The following ARHGAP28 variants were observed in gnomAD, a reference collection of about 807,000 sequenced individuals.
ARHGAP28 encodes Rho GTPase activating protein 28, also known as rho GTPase-activating protein 28.
Under a neutral mutation model 90.7 loss-of-function variants are expected in ARHGAP28, and 56 were observed. The ratio of observed to expected loss-of-function variants is 0.62; its 90% CI spans 0.50 to 0.77. The LOEUF (loss-of-function observed/expected upper bound fraction) is 0.77. ARHGAP28 is among the 30% of genes least tolerant of loss of function. The pLI is 0.00. For synonymous variants in ARHGAP28, 308 were observed against 323.3 expected (o/e 0.95, Z 0.51); for missense variants, 869 against 900.9 (o/e 0.96, Z 0.45).
In ARHGAP28 at chr18:6,729,776, C is replaced by A; in HGVS notation, c.-46C>A. The A allele has an allele frequency of 7.4e-7, 1 of 1,349,526 alleles. No individual in the cohort carries two copies. The highest frequency in any genetic ancestry group is 1.9e-5 in the South Asian group (1 of 53,974). 83.6% of individuals were successfully genotyped at this position (1,349,526 alleles called of 1,614,324 possible). On this transcript the variant is annotated 5_prime_UTR_variant, in exon 1 of 18. Transcript: ENST00000383472. ...TCCCGGCGCGCCGGTCCATGCTGGT[C>A]CCGGTCTTTGTTCTGGGGCCGGCGC...
intron 16 of ARHGAP28, among the ~76,000 whole-genome samples, chr18:6,908,136 T>A (rs2143856874): frequency 6.6e-6 from 1 of 151,912 alleles, no homozygotes; most frequent in African/African-American, 2.4e-5. Flanking sequence ...TTTTATTTTA[T>A]TTTATTTTAT....
chr18:6,868,840 G>A (rs1215872410), intron 6 of ARHGAP28, among the ~76,000 whole-genome samples: 2 of 152,052 alleles, frequency 1.3e-5, no homozygotes, highest in African/African-American at 4.8e-5. Flanking sequence ...AGGTGCTGAG[G>A]TGATGAAAAT....
intron 1 of ARHGAP28, among the ~76,000 whole-genome samples, chr18:6,802,550 T>A (rs2056490040): frequency 6.6e-6 from 1 of 152,030 alleles, no homozygotes; most frequent in African/African-American, 2.4e-5. Flanking sequence ...TTCACCACAT[T>A]GGCCAGGCTG....
rs780195355 is a variant in ARHGAP28 at position 6,873,698 on chromosome 18, G to A, written c.1135G>A (p.Gly379Arg). 3 of 1,612,832 alleles carry A rather than the reference G, an allele frequency of 1.9e-6. No individual in the cohort carries two copies. The highest frequency in any genetic ancestry group is 1.7e-6 in the Non-Finnish European group (2 of 1,179,678). Residue 379 changes from glycine to arginine, a missense_variant, in exon 9 of 18, where the codon GGA (glycine) becomes AGA (arginine). Coordinates refer to ENST00000383472, the MANE Select transcript of ARHGAP28 (RefSeq NM_001366230.1). ...KVKGRDNGIF[G>R]VPLTVLLDGD... Reference sequence around the variant, plus strand: ...TCACAATGAAGACAATGGGATTTTTGGAGTTCCACTTACAGTCCTCCTGGA... The same window carrying A: ...TCACAATGAAGACAATGGGATTTTTAGAGTTCCACTTACAGTCCTCCTGGA...
chr18:6,791,829 T>A (rs2056408294), intron 1 of ARHGAP28, among the ~76,000 whole-genome samples: 1 of 151,960 alleles, frequency 6.6e-6, no homozygotes, highest in Non-Finnish European at 1.5e-5. Flanking sequence ...CTTTTTTTTT[T>A]AATTTGTGGG....
At chr18:6,911,135 G>T (rs1418776774) in intron 17 of ARHGAP28, among the ~76,000 whole-genome samples, 2 of 152,040 alleles carry the variant, frequency 1.3e-5, no homozygotes, top group African/African-American at 4.8e-5. Context: ...CGCTCGGCCA[G>T]CTCTTGGTAG....
chr18:6,867,399 A>G (rs2143474630), intron 5 of ARHGAP28, among the ~76,000 whole-genome samples: 1 of 152,326 alleles, frequency 6.6e-6, no homozygotes, highest in East Asian at 1.9e-4. Flanking sequence ...ACTATCACAC[A>G]TATTCACAGA....
At chr18:6,828,081 G>T (rs907028185) in intron 2 of ARHGAP28, among the ~76,000 whole-genome samples, 12 of 152,280 alleles carry the variant, frequency 7.9e-5, no homozygotes, top group African/African-American at 2.9e-4. Flanking sequence ...GAGTTAACGA[G>T]ACTCCGTCTG....
chr18:6,868,629 T>C (rs1387927475), intron 6 of ARHGAP28, among the ~76,000 whole-genome samples: 1 of 151,992 alleles, frequency 6.6e-6, no homozygotes, highest in African/African-American at 2.4e-5. Context: ...ACAAGGCTGC[T>C]GGGGAGGCTT....
At chr18:6,734,101 T>C (rs1201516749) in intron 1 of ARHGAP28, among the ~76,000 whole-genome samples, 3 of 152,188 alleles carry the variant, frequency 2.0e-5, no homozygotes, top group Non-Finnish European at 1.5e-5. Flanking sequence ...CCACATCCTA[T>C]TGTAAAGGAA....
At chr18:6,759,515 G>A (rs4553702) in intron 1 of ARHGAP28, among the ~76,000 whole-genome samples, 95,845 of 152,024 alleles carry the variant, frequency 0.63, 31,254 homozygotes, top group Middle Eastern at 0.72. Flanking sequence ...TGGTTGGTTC[G>A]TTTTAAAATG....
At chr18:6,745,787 C>A (rs116393619) in intron 1 of ARHGAP28, among the ~76,000 whole-genome samples, 2 of 152,126 alleles carry the variant, frequency 1.3e-5, no homozygotes, top group South Asian at 4.1e-4. Flanking sequence ...TTCATAGAAG[C>A]CTGAAAGTGC....
At chr18:6,829,399 A>G (rs1313866158) in intron 2 of ARHGAP28, among the ~76,000 whole-genome samples, 1 of 152,148 alleles carries the variant, frequency 6.6e-6, no homozygotes, top group Non-Finnish European at 1.5e-5. Context: ...TCTGTACTTT[A>G]TATTTACTCA....
At chr18:6,886,801 T>C (rs768842821) in intron 11 of ARHGAP28, among the ~76,000 whole-genome samples, 3 of 152,238 alleles carry the variant, frequency 2.0e-5, no homozygotes, top group Non-Finnish European at 4.4e-5. Context: ...CCTCATTATA[T>C]GGAAGCAAGG....
At chr18:6,895,172 C>G (rs615191) in intron 15 of ARHGAP28, among the ~76,000 whole-genome samples, 124,136 of 152,090 alleles carry the variant, frequency 0.82, 50,911 homozygotes, top group Non-Finnish European at 0.86. Context: ...GTATTGTATA[C>G]GGAGAGGCTT....
chr18:6,896,696 C>T (rs767736855), intron 16 of ARHGAP28, 70 bp downstream of exon 16: 400 of 1,563,630 alleles, frequency 2.6e-4, no homozygotes, highest in Admixed American at 1.2e-3. Flanking sequence ...ACTTTCTAGG[C>T]ATTTACAAAT....
At chr18:6,770,874 AG>A (rs2056237428) in intron 1 of ARHGAP28, among the ~76,000 whole-genome samples, 2 of 152,092 alleles carry the variant, frequency 1.3e-5, no homozygotes, top group Non-Finnish European at 2.9e-5. Context: ...AAAGTCAGTC[AG>A]TTTTGTTTTT....
chr18:6,731,461 C>T (rs1242666910), intron 1 of ARHGAP28, among the ~76,000 whole-genome samples: 1 of 152,160 alleles, frequency 6.6e-6, no homozygotes, highest in Non-Finnish European at 1.5e-5. Context: ...CCAAAGCAAA[C>T]TAGAAGCAGA....
chr18:6,818,560 T>G (rs565698662), intron 1 of ARHGAP28, among the ~76,000 whole-genome samples: 12 of 152,192 alleles, frequency 7.9e-5, no homozygotes, highest in African/African-American at 2.6e-4. Context: ...GTGTTTATTA[T>G]TGATGAATGA....
Sources: allele counts gnomAD v4.1 joint callset (sites outside exome capture counted in the v4.1 genomes callset), GRCh38; gene constraint gnomAD v4.1.1; transcripts MANE v1.5; gene names NCBI Gene and HGNC (gene_info 2026-07-23, HGNC 2026-07-21).